WDFY4: variants seen among roughly 807,000 people sequenced by gnomAD.
WDFY4 encodes WD repeat- and FYVE domain-containing protein 4.
WDFY4 carries 169 observed loss-of-function variants against 351.9 expected under a neutral mutation model. That is an observed-to-expected ratio of 0.48 (90% CI 0.42 to 0.55). The LOEUF is 0.55. Among genes scored for constraint, WDFY4 ranks in the 20% least tolerant of loss-of-function variants. The probability of loss-of-function intolerance (pLI) is 0.00; values close to 1 mark genes in which losing one functional copy is unlikely to be tolerated. For synonymous variants in WDFY4, 1,622 were observed against 1,574.6 expected, an observed-to-expected ratio of 1.03 and a Z score of -0.71; for missense variants, 3,803 against 3,935.6, an observed-to-expected ratio of 0.97 and a Z score of 0.90.
At chr10:48,936,143 A>G (rs1484103904) in intron 47 of WDFY4, among the ~76,000 whole-genome samples, 4 of 152,196 alleles carry the variant, frequency 2.6e-5, no homozygotes, top group Non-Finnish European at 5.9e-5. Flanking sequence ...AAATTTAAGT[A>G]GTAAAAATTT....
At chr10:48,797,812 A>C (rs2066924356) in intron 24 of WDFY4, among the ~76,000 whole-genome samples, 1 of 152,238 alleles carries the variant, frequency 6.6e-6, no homozygotes, top group African/African-American at 2.4e-5. Flanking sequence ...GAATAAAGGC[A>C]TTATGAACAA....
chr10:48,917,631 C>T (rs777057270), intron 47 of WDFY4, among the ~76,000 whole-genome samples: 1 of 152,208 alleles, frequency 6.6e-6, no homozygotes, highest in Non-Finnish European at 1.5e-5. Flanking sequence ...TCAACCCAGA[C>T]TGTGACAGTA....
rs2068777176 is a variant in WDFY4, at chr10:48,846,392, C to T, written c.6663+13683C>T. The stretch of plus-strand genomic sequence containing the variant: ...GCCTGGCTGTGAGCCGGTGTGGCCT[C>T]CTCTGTGGGCAAGTCATTTTCTCAT... On this transcript the variant is annotated intron_variant, in intron 39 of 61. Transcript: ENST00000325239. 2.0e-5 allele frequency among the ~76,000 whole-genome samples: 3 copies of T among 152,302 alleles called. No homozygotes were observed. In the South Asian group the frequency reaches 6.2e-4, roughly 32 times the overall value.
At chr10:48,943,146 C>T (rs1158382732) in intron 48 of WDFY4, among the ~76,000 whole-genome samples, 184 bp from the exon 49 acceptor site, 2 of 151,930 alleles carry the variant, frequency 1.3e-5, no homozygotes, top group African/African-American at 4.8e-5. Flanking sequence ...AATATACTTG[C>T]CTCCGTTCAT....
At position 48,723,414 on chromosome 10, in the gene WDFY4, G is replaced by T. The variant is rs774692665; in HGVS notation, c.457-19G>T. On this transcript the variant is annotated intron_variant, in intron 4 of 61. Coordinates refer to ENST00000325239, the MANE Select transcript of WDFY4 (RefSeq NM_001394531.1). ...CTGCTGCCTTGCTGCCTGGGGTCAC[G>T]TGTGCTCTTCTCTTGCAGGAGACGC... The T allele has an allele frequency of 6.5e-7, 1 of 1,548,334 alleles. No homozygotes were observed. The highest frequency in any genetic ancestry group is 8.7e-7 in the Non-Finnish European group (1 of 1,146,682).
intron 38 of WDFY4, 23 bp from the exon 39 acceptor site, chr10:48,832,550 A>C: frequency 6.6e-7 from 1 of 1,524,344 alleles, no homozygotes; most frequent in South Asian, 1.2e-5. Context: ...CACCTCTGAC[A>C]TTCTTTGCTT....
chr10:48,700,354 T>C lies in WDFY4; in HGVS notation c.-17-9362T>C, dbSNP rs115002786. ...CATCCTGCAGGAGCTCCAATGCTCT[T>C]GCCCAGTTTCTGCAAATTCTCAGGG... On this transcript the variant is annotated intron_variant, in intron 1 of 61. Coordinates refer to ENST00000325239, the MANE Select transcript of WDFY4 (RefSeq NM_001394531.1). Among the ~76,000 whole-genome samples, 640 of 152,348 alleles carry C rather than the reference T, an allele frequency of 4.2e-3. 6 individuals are homozygous for C. Among genetic ancestry groups the C allele is most frequent in the African/African-American group, 0.015 (609 of 41,578 alleles).
chr10:48,965,803 T>TCAGTTAGATATAGATTATATCTGTAC (rs1564535012), intron 54 of WDFY4, among the ~76,000 whole-genome samples: 2 of 152,236 alleles, frequency 1.3e-5, no homozygotes, highest in South Asian at 4.1e-4. Context: ...TATATCTGTA[T>TCAGTTAGATATAGATTATATCTGTAC]CAGTTAGATA....
Position 48,727,519 on chromosome 10 carries a change from C to T in WDFY4, c.831C>T (p.Asp277=). 6.4e-7 allele frequency: 1 copy of T among 1,551,778 alleles called. No homozygotes were observed. The highest frequency in any genetic ancestry group is 8.7e-7 in the Non-Finnish European group (1 of 1,147,010). ...TCCAGAACCTCTCCAGGCTCACGGA[C>T]ACTCTCCCTGCCCCTGAAGTGAGCG... ...LSLQNLSRLT[D]TLPAPEVSEA... The change falls in exon 7 of 62, where the codon GAC becomes GAT. Residue 277 remains aspartate (D), a synonymous_variant. Transcript: ENST00000325239.
At chr10:48,768,723 AAGAGAGAGAGAGAGAG>A (rs71026224) in intron 13 of WDFY4, among the ~76,000 whole-genome samples, 12 of 140,976 alleles carry the variant, frequency 8.5e-5, no homozygotes, top group Admixed American at 5.7e-4. Context: ...GGGAGAGGAG[AAGAGAGAGAGAGAGAG>A]AGAGAGAGAG....
chr10:48,818,261 C>A (rs941563553), intron 32 of WDFY4, among the ~76,000 whole-genome samples: 1 of 152,146 alleles, frequency 6.6e-6, no homozygotes, highest in African/African-American at 2.4e-5. Context: ...GTGAGCAATG[C>A]TACATAGGGG....
chr10:48,878,626 C>T (rs1348198397), intron 43 of WDFY4: 2 of 152,580 alleles, frequency 1.3e-5, no homozygotes, highest in African/African-American at 4.8e-5. Flanking sequence ...GTTTGCCTAC[C>T]TGCAGTGCCC....
At position 48,745,876 on chromosome 10, in the gene WDFY4, C is replaced by T. The variant is rs1168986047; in HGVS notation, c.2459+2328C>T. On this transcript the variant is annotated intron_variant, in intron 12 of 61. Coordinates refer to ENST00000325239, the MANE Select transcript of WDFY4 (RefSeq NM_001394531.1). ...TGGCCTCGCTGGGCCTTGCGGACCG[C>T]GGGCCCTGCACTGTCGGCTGGAAGA... The T allele has an allele frequency of 1.3e-5, 4 of 308,430 alleles. No homozygotes were observed. In the Admixed American group the frequency reaches 1.5e-4, roughly 12 times the overall value. 19.1% of individuals were successfully genotyped at this position (308,430 alleles called of 1,614,324 possible). A position where few individuals can be genotyped will look rare whatever the true frequency, so the allele number is the denominator to read the frequency against.
chr10:48,863,477 A>G (rs966021568), intron 39 of WDFY4, among the ~76,000 whole-genome samples: 1 of 152,184 alleles, frequency 6.6e-6, no homozygotes, highest in Non-Finnish European at 1.5e-5. Flanking sequence ...TCACCTGCTT[A>G]TTAGCCATTT....
intron 46 of WDFY4, 72 bp from the exon 47 acceptor site, chr10:48,901,729 C>T (rs1412949302): frequency 6.7e-5 from 100 of 1,492,210 alleles, no homozygotes; most frequent in Middle Eastern, 1.7e-4. Context: ...TGCCTGACTC[C>T]GGAAATGCCT....
intron 43 of WDFY4, chr10:48,878,096 G>C (rs1486180257): frequency 6.6e-6 from 1 of 152,330 alleles, no homozygotes; most frequent in African/African-American, 2.4e-5. Flanking sequence ...GACTACTTCA[G>C]AGCTGGGCAT....
At chr10:48,773,987 G>A (rs2065948048) in intron 13 of WDFY4, among the ~76,000 whole-genome samples, 1 of 152,202 alleles carries the variant, frequency 6.6e-6, no homozygotes, top group Non-Finnish European at 1.5e-5. Flanking sequence ...CTCCCACCCA[G>A]CACCAGCCAC....
At chr10:48,761,882 A>G (rs1346552886) in intron 13 of WDFY4, among the ~76,000 whole-genome samples, 1 of 152,232 alleles carries the variant, frequency 6.6e-6, no homozygotes, top group Non-Finnish European at 1.5e-5. Flanking sequence ...AGTTTTGTCG[A>G]GGGCATCAAT....
chr10:48,829,604 C>A (rs914806846), intron 37 of WDFY4, among the ~76,000 whole-genome samples: 1 of 152,168 alleles, frequency 6.6e-6, no homozygotes, highest in Non-Finnish European at 1.5e-5. Context: ...AACCCCAGCA[C>A]TTTGGGAGGC....
Sources: allele counts gnomAD v4.1 joint callset (sites outside exome capture counted in the v4.1 genomes callset), GRCh38; gene constraint gnomAD v4.1.1; transcripts MANE v1.5; gene names NCBI Gene and HGNC (gene_info 2026-07-23, HGNC 2026-07-21).